Variants in MGAT4C observed in about 807,000 individuals in gnomAD.
The protein encoded by MGAT4C is MGAT4 family member C.
A neutral mutation model predicts 40.1 loss-of-function variants in MGAT4C; 19 were observed. That is an observed-to-expected ratio of 0.47 (90% CI 0.33 to 0.70). MGAT4C has a LOEUF of 0.70. Ranked by LOEUF, MGAT4C falls within the 30% of genes least tolerant of loss-of-function variation. MGAT4C has a pLI of 0.02. For missense variants in MGAT4C, 491 were observed against 563.2 expected, an observed-to-expected ratio of 0.87 and a Z score of 1.30; for synonymous variants, 181 against 187.1, an observed-to-expected ratio of 0.97 and a Z score of 0.27.
chr12:86,339,877 G>T lies in MGAT4C; in HGVS notation c.-119-5750C>A, dbSNP rs143957261. 3.6e-3 allele frequency among the ~76,000 whole-genome samples: 541 copies of T among 152,170 alleles called. 4 individuals are homozygous for T. Among genetic ancestry groups the T allele is most frequent in the Admixed American group, 6.0e-3 (91 of 15,264 alleles). The stretch of plus-strand genomic sequence containing the variant: ...TTAATCTTTTCCAAATCTTAGATTG[G>T]TAGCTCTTTCTTATGTTTCTTCTAG... On this transcript the variant is annotated intron_variant, in intron 3 of 7. Transcript: ENST00000548651.
intron 1 of MGAT4C, among the ~76,000 whole-genome samples, chr12:86,782,885 A>C (rs1951868991): frequency 6.6e-6 from 1 of 152,200 alleles, no homozygotes; most frequent in Non-Finnish European, 1.5e-5. Flanking sequence ...AATCTTGGGG[A>C]CTTCCAACTT....
chr12:86,268,938 C>CT (rs1335533401), intron 4 of MGAT4C, among the ~76,000 whole-genome samples: 2 of 143,036 alleles, frequency 1.4e-5, no homozygotes, highest in Admixed American at 7.0e-5. Context: ...TACAGTACCC[C>CT]TTTCGAACAC....
intron 2 of MGAT4C, among the ~76,000 whole-genome samples, chr12:86,666,984 G>A (rs1964125736): frequency 6.6e-6 from 1 of 152,152 alleles, no homozygotes; most frequent in African/African-American, 2.4e-5. Context: ...TTAGTTGGAA[G>A]GGATTATACA....
chr12:86,698,273 TGACC>T (rs542537080), intron 2 of MGAT4C, among the ~76,000 whole-genome samples: 343 of 152,092 alleles, frequency 2.3e-3, no homozygotes, highest in Non-Finnish European at 3.8e-3. Flanking sequence ...CCTAAATAAA[TGACC>T]AATATACAAG....
At chr12:86,181,089 A>C (rs1340576364) in intron 1 of MGAT4C, among the ~76,000 whole-genome samples, 1 of 152,140 alleles carries the variant, frequency 6.6e-6, no homozygotes, top group Non-Finnish European at 1.5e-5. Flanking sequence ...ACAGTAAATA[A>C]GTCTCAGGAG....
At chr12:86,197,643 TA>T (rs1452905930) in intron 1 of MGAT4C, among the ~76,000 whole-genome samples, 2 of 152,188 alleles carry the variant, frequency 1.3e-5, no homozygotes, top group Non-Finnish European at 2.9e-5. Flanking sequence ...CTGTTTTTTA[TA>T]AGCCACCTTA....
chr12:85,980,257 T>C lies in MGAT4C; in HGVS notation c.469A>G (p.Thr157Ala), dbSNP rs1184365605. Residue 157 changes from threonine (T) to alanine (A), a missense_variant, in exon 5 of 5, where the codon ACA (threonine) becomes GCA (alanine). By Grantham distance (58) the Thr-to-Ala change is moderately conservative. Transcript: ENST00000611864. Reference sequence around the variant, plus strand: ...ATAATATGGTGCGCAAATTTCTGTGTAATATCCTGGACCATGGCATCACGC... The same window carrying C: ...ATAATATGGTGCGCAAATTTCTGTGCAATATCCTGGACCATGGCATCACGC... ...SWRDAMVQDITQKFAHHIIAG... is the reference protein window; with the variant it reads ...SWRDAMVQDIAQKFAHHIIAG... The C allele has an allele frequency of 1.2e-6, 2 of 1,614,000 alleles. No homozygotes were observed. The highest frequency in any genetic ancestry group is 1.7e-5 in the Admixed American group (1 of 59,972).
chr12:86,784,806 T>C (rs929331157), intron 1 of MGAT4C, among the ~76,000 whole-genome samples: 77 of 152,164 alleles, frequency 5.1e-4, no homozygotes, highest in African/African-American at 1.7e-3. Context: ...TCTTTGCTCA[T>C]ACCTGTTACT....
rs1883397967 is a variant in MGAT4C at position 85,966,948 on chromosome 12, T to C, written c.*12341A>G. On this transcript the variant is annotated 3_prime_UTR_variant, in exon 5 of 5. Transcript: ENST00000611864. ...ATTAGGAGATATACCTAATGTTAAA[T>C]GACGAGTTAATGGGTGCAGCACACC... 2 of 151,840 alleles carry C rather than the reference T, an allele frequency of 1.3e-5. No individual in the cohort carries two copies. The highest frequency in any genetic ancestry group is 4.2e-4 in the South Asian group (2 of 4,814). The allele number at this position is 151,840 out of a possible 1,614,324, so 9.4% of individuals were successfully genotyped here.
At chr12:86,485,187 G>A (rs1221851672) in intron 2 of MGAT4C, among the ~76,000 whole-genome samples, 4 of 152,166 alleles carry the variant, frequency 2.6e-5, no homozygotes, top group Non-Finnish European at 4.4e-5. Context: ...AAGTCAGAGT[G>A]TCCTCTTACT....
chr12:86,213,032 CAGCTTGCCATATTT>C (rs1476236504), intron 1 of MGAT4C, among the ~76,000 whole-genome samples: 8 of 149,136 alleles, frequency 5.4e-5, no homozygotes, highest in African/African-American at 1.7e-4. Flanking sequence ...TTTGTAGATT[CAGCTTGCCATATTT>C]CCCAATGGAA....
intron 3 of MGAT4C, among the ~76,000 whole-genome samples, chr12:86,421,957 T>C (rs187453741): frequency 1.1e-4 from 16 of 152,354 alleles, no homozygotes; most frequent in African/African-American, 3.1e-4. Context: ...AGAGTTATTC[T>C]CAATTACTTA....
intron 1 of MGAT4C, among the ~76,000 whole-genome samples, chr12:86,100,699 TTATTTTC>T (rs2135595935): frequency 6.6e-6 from 1 of 151,708 alleles, no homozygotes; most frequent in African/African-American, 2.4e-5. Context: ...GTAACTATAC[TTATTTTC>T]TATCTCTAGG....
chr12:86,266,566 A>G (rs145760468), intron 4 of MGAT4C, among the ~76,000 whole-genome samples: 1 of 151,998 alleles, frequency 6.6e-6, no homozygotes, highest in African/African-American at 2.4e-5. Context: ...TTTTGTGTCT[A>G]TGATTATAAG....
chr12:86,731,569 A>G (rs570802566), intron 1 of MGAT4C, among the ~76,000 whole-genome samples: 1 of 151,770 alleles, frequency 6.6e-6, no homozygotes, highest in African/African-American at 2.4e-5. Flanking sequence ...CCTATGAAGT[A>G]TATTTGTTTT....
chr12:86,530,723 T>C (rs1446649443), intron 2 of MGAT4C, among the ~76,000 whole-genome samples: 1 of 151,936 alleles, frequency 6.6e-6, no homozygotes, highest in Non-Finnish European at 1.5e-5. Flanking sequence ...CATAAACAAT[T>C]TGTTCACTAT....
chr12:86,206,622 T>C (rs1331637361), intron 1 of MGAT4C, among the ~76,000 whole-genome samples: 1 of 152,134 alleles, frequency 6.6e-6, no homozygotes, highest in African/African-American at 2.4e-5. Context: ...CTTTTCCTTT[T>C]ATTTCTCCAC....
At chr12:86,587,890 G>A (rs996993739) in intron 2 of MGAT4C, among the ~76,000 whole-genome samples, 1 of 151,864 alleles carries the variant, frequency 6.6e-6, no homozygotes, top group Non-Finnish European at 1.5e-5. Flanking sequence ...CATGTCATGT[G>A]CAAACAGGGA....
chr12:86,544,815 G>C (rs564039646), intron 2 of MGAT4C, among the ~76,000 whole-genome samples: 2 of 151,976 alleles, frequency 1.3e-5, no homozygotes, highest in Non-Finnish European at 2.9e-5. Context: ...TACCTTAGTA[G>C]TGAATTGTAG....
Sources: allele counts gnomAD v4.1 joint callset (sites outside exome capture counted in the v4.1 genomes callset), GRCh38; gene constraint gnomAD v4.1.1; transcripts MANE v1.5; gene names NCBI Gene and HGNC (gene_info 2026-07-23, HGNC 2026-07-21).